HMGN5: variants seen among roughly 807,000 people sequenced by gnomAD.
The protein encoded by HMGN5 is high mobility group nucleosome-binding domain-containing protein 5.
HMGN5 carries 4 observed loss-of-function variants against 9.5 expected under a neutral mutation model. That is an observed-to-expected ratio of 0.42 (90% CI 0.21 to 0.96). The LOEUF (loss-of-function observed/expected upper bound fraction) is 0.96. Among genes scored for constraint, HMGN5 ranks in the 40% least tolerant of loss-of-function variants. The pLI is 0.30. For missense variants in HMGN5, 192 were observed against 187.5 expected, an observed-to-expected ratio of 1.02 and a Z score of -0.14; for synonymous variants, 55 against 57.1, an observed-to-expected ratio of 0.96 and a Z score of 0.16.
At position 81,121,601 on chromosome X, in the gene HMGN5, A is replaced by T. The variant is rs1217068097; in HGVS notation, c.-52T>A. ...AGTCAGCAGAAAAAAAGCCGAAGGCAGTCACTGCCTGACTGCTCCAAGAGC... is the reference window on the plus strand; with the variant it reads ...AGTCAGCAGAAAAAAAGCCGAAGGCTGTCACTGCCTGACTGCTCCAAGAGC... On this transcript the variant is annotated 5_prime_UTR_variant, in exon 2 of 7. Transcript: ENST00000358130. The T allele has an allele frequency of 9.8e-7, 1 of 1,019,628 alleles. No homozygotes were observed. Among genetic ancestry groups the T allele is most frequent in the Non-Finnish European group, 1.3e-6 (1 of 745,028 alleles). The allele number at this position is 1,019,628 out of a possible 1,213,427, so 84.0% of individuals were successfully genotyped here.
intron 1 of HMGN5, among the ~76,000 whole-genome samples, chrX:81,135,083 G>A (rs142862213): frequency 0.011 from 1,242 of 111,220 alleles, 8 homozygotes; most frequent in Non-Finnish European, 0.017. Flanking sequence ...TCTTAAATAT[G>A]ACACCAAGAG....
At chrX:81,133,700 A>G (rs1351798699) in intron 1 of HMGN5, among the ~76,000 whole-genome samples, 1 of 110,520 alleles carries the variant, frequency 9.0e-6, no homozygotes, top group Non-Finnish European at 1.9e-5. Flanking sequence ...ACACACTGGG[A>G]CCTATTAGAG....
At chrX:81,123,946 G>T (rs2075275895) in intron 1 of HMGN5, among the ~76,000 whole-genome samples, 2 of 111,923 alleles carry the variant, frequency 1.8e-5, no homozygotes, top group Non-Finnish European at 3.8e-5. Context: ...AAATGCAGCG[G>T]CAGGAAAAGG....
At chrX:81,122,766 C>A (rs1320367642) in intron 1 of HMGN5, among the ~76,000 whole-genome samples, 1 of 111,475 alleles carries the variant, frequency 9.0e-6, no homozygotes, top group East Asian at 2.8e-4. Flanking sequence ...AGGTGACTTT[C>A]GACTGTAAGA....
chrX:81,185,220 T>C (rs767021180), intron 1 of HMGN5, among the ~76,000 whole-genome samples: 1 of 112,208 alleles, frequency 8.9e-6, no homozygotes, highest in African/African-American at 3.2e-5. Context: ...ATGAATATTT[T>C]AACAATATTA....
intron 1 of HMGN5, among the ~76,000 whole-genome samples, chrX:81,139,174 CA>C (rs1215489294): frequency 2.7e-5 from 3 of 112,162 alleles, no homozygotes; most frequent in Non-Finnish European, 3.8e-5. Context: ...AAAGCAATTT[CA>C]AAAAGAAGAA....
chrX:81,114,901 T>C lies in HMGN5; in HGVS notation c.597A>G (p.Glu199=), dbSNP rs930732041. The C allele has an allele frequency of 2.6e-6, 3 of 1,163,804 alleles. No individual in the cohort carries two copies. Among genetic ancestry groups the C allele is most frequent in the Admixed American group, 2.6e-5 (1 of 38,545 alleles). ...CATCTCCTGTTTCTTTTCTGTCTTC[T>C]TCCTCTTTTTCATCTTCTCCTTTCT... ...GKEKGEDEKE[E]EDRKETGDGK... is the part of the protein sequence containing the mutation. Residue 199 remains glutamate (E), a synonymous_variant, in exon 7 of 7, where the codon GAA becomes GAG. Coordinates refer to ENST00000358130, the MANE Select transcript of HMGN5 (RefSeq NM_030763.3).
intron 2 of HMGN5, 39 bp downstream of exon 2, chrX:81,121,496 C>A: frequency 8.5e-7 from 1 of 1,179,404 alleles, no homozygotes; most frequent in East Asian, 3.0e-5. Flanking sequence ...ATAGGTAACT[C>A]AGCAGCTCAT....
chrX:81,181,292 A>T (rs895908030), intron 1 of HMGN5, among the ~76,000 whole-genome samples: 1 of 111,348 alleles, frequency 9.0e-6, no homozygotes, highest in Non-Finnish European at 1.9e-5. Context: ...TTATTTTTAA[A>T]TTTTTTGGTT....
At chrX:81,151,888 C>A (rs1255916824) in intron 1 of HMGN5, among the ~76,000 whole-genome samples, 1 of 111,484 alleles carries the variant, frequency 9.0e-6, no homozygotes, top group East Asian at 2.8e-4. Context: ...ATCATGTCGT[C>A]TGCAAACAGG....
At chrX:81,187,364 T>C (rs2075480534) in intron 1 of HMGN5, among the ~76,000 whole-genome samples, 1 of 111,917 alleles carries the variant, frequency 8.9e-6, no homozygotes, top group Non-Finnish European at 1.9e-5. Flanking sequence ...ATTTGTTTTA[T>C]ATATCTGGGT....
chrX:81,198,625 A>G (rs781386094), intron 1 of HMGN5, among the ~76,000 whole-genome samples: 12 of 111,883 alleles, frequency 1.1e-4, no homozygotes, highest in Non-Finnish European at 1.7e-4. Flanking sequence ...AATGACAAAA[A>G]CCACACGATT....
At chrX:81,187,476 AT>A (rs200354732) in intron 1 of HMGN5, among the ~76,000 whole-genome samples, 5,072 of 110,763 alleles carry the variant, frequency 0.046, 291 homozygotes, top group African/African-American at 0.16. Context: ...TTCTTATAGA[AT>A]TTTTTTCTTG....
At position 81,114,700 on chromosome X, in the gene HMGN5, A is replaced by G; in HGVS notation, c.798T>C (p.Asp266=). Residue 266 remains aspartate (D), a synonymous_variant, in exon 7 of 7, where the codon GAT becomes GAC. Transcript: ENST00000358130. ...TTTTTCCATCATCTTCTTTGATCTC[A>G]TCTTCCTCTTTTCCTTCTTCCTCTT... ...LKEEEEGKEE[D]EIKEDDGKKE... 1 of 1,151,991 alleles carries G rather than the reference A, an allele frequency of 8.7e-7. No individual in the cohort carries two copies. Among genetic ancestry groups the G allele is most frequent in the African/African-American group, 1.8e-5 (1 of 55,037 alleles). 94.9% of individuals were successfully genotyped at this position (1,151,991 alleles called of 1,213,427 possible). A position where few individuals can be genotyped will look rare whatever the true frequency, so the allele number is the denominator to read the frequency against.
chrX:81,138,619 C>T (rs762754467), intron 1 of HMGN5, among the ~76,000 whole-genome samples: 24 of 110,934 alleles, frequency 2.2e-4, no homozygotes, highest in African/African-American at 4.9e-4. Flanking sequence ...TAACACTGTG[C>T]GGGAAGTTTT....
Position 81,114,878 on chromosome X carries a change from T to A in HMGN5, c.620A>T (p.Asp207Val), listed in dbSNP as rs1410494160. The change falls in exon 7 of 7, where the codon GAT becomes GTT. Residue 207 changes from aspartate (D) to valine (V), a missense_variant. Physicochemically the swap from Asp to Val is radical, Grantham distance 152 (BLOSUM62 -3). Coordinates refer to ENST00000358130, the MANE Select transcript of HMGN5 (RefSeq NM_030763.3). ...KEEEDRKETG[D>V]GKENEDGKEK... ...TTTTCCATCTTCATTCTCTTTTCCA[T>A]CTCCTGTTTCTTTTCTGTCTTCTTC... 5.2e-6 allele frequency: 6 copies of A among 1,160,898 alleles called. No individual in the cohort carries two copies. The highest frequency in any genetic ancestry group is 6.9e-6 in the Non-Finnish European group (6 of 871,481).
chrX:81,178,854 C>A (rs2075451310), intron 1 of HMGN5, among the ~76,000 whole-genome samples: 1 of 111,578 alleles, frequency 9.0e-6, no homozygotes, highest in Non-Finnish European at 1.9e-5. Flanking sequence ...TTATCCACCA[C>A]AATCAGGACT....
rs199803467 is a variant in HMGN5 at position 81,162,362 on chromosome X, G to GAA, written c.-124+39373_-124+39374dup. 9.0e-3 allele frequency among the ~76,000 whole-genome samples: 516 copies of GAA among 57,438 alleles called. 7 individuals carry two copies. Among genetic ancestry groups the GAA allele is most frequent in the African/African-American group, 0.029 (485 of 16,969 alleles). The allele number at this position is 57,438 out of a possible 115,157, so 49.9% of individuals were successfully genotyped here. A position where few individuals can be genotyped will look rare whatever the true frequency, so the allele number is the denominator to read the frequency against. ...AGACTACTACAGGAGAAAACAAACT[G>GAA]AAAAAAAAAAAAAAACCACTCAGCT... On this transcript the variant is annotated intron_variant, in intron 1 of 6. Transcript: ENST00000358130.
chrX:81,135,264 A>G (rs1243677930), intron 1 of HMGN5, among the ~76,000 whole-genome samples: 2 of 111,966 alleles, frequency 1.8e-5, no homozygotes, highest in Non-Finnish European at 3.8e-5. Context: ...GAACTCTCAC[A>G]TCTCAATAAG....
Sources: allele counts gnomAD v4.1 joint callset (sites outside exome capture counted in the v4.1 genomes callset), GRCh38; gene constraint gnomAD v4.1.1; transcripts MANE v1.5; gene names NCBI Gene and HGNC (gene_info 2026-07-23, HGNC 2026-07-21).